The following WRNIP1 variants were observed in gnomAD, a reference collection of about 807,000 sequenced individuals.
WRNIP1 encodes the protein ATPase WRNIP1.
In WRNIP1, 41 loss-of-function variants were observed where a neutral mutation model predicts 56.1. The ratio of observed to expected loss-of-function variants is 0.73; its 90% CI spans 0.57 to 0.95. The LOEUF is 0.95. Ranked by LOEUF, WRNIP1 falls within the 40% of genes least tolerant of loss-of-function variation. The probability of loss-of-function intolerance (pLI) is 0.00; values close to 1 mark genes in which losing one functional copy is unlikely to be tolerated. For missense variants in WRNIP1, 1,170 were observed against 939.4 expected (o/e 1.25, Z -3.21); for synonymous variants, 547 against 398.1 (o/e 1.37, Z -4.45).
At chr6:2,781,061 C>A (rs1183901846) in intron 4 of WRNIP1, among the ~76,000 whole-genome samples, 1 of 152,222 alleles carries the variant, frequency 6.6e-6, no homozygotes, top group East Asian at 1.9e-4. Context: ...CTGTCCTTCC[C>A]CCCGTCCGCA....
rs1406827698 is a variant in WRNIP1 at position 2,785,101 on chromosome 6, A to G, written c.1817A>G (p.Asn606Ser). Reference sequence around the variant, plus strand: ...AACAACGTCAAAGCCTGCCTGAGGAACCACCAGGGGCCACTGCCCCCCGTG... The same window carrying G: ...AACAACGTCAAAGCCTGCCTGAGGAGCCACCAGGGGCCACTGCCCCCCGTG... ...AYNNVKACLR[N>S]HQGPLPPVPL... Residue 606 changes from asparagine (N) to serine (S), a missense_variant, in exon 7 of 7, where the codon AAC (asparagine) becomes AGC (serine). Physicochemically the swap from Asn to Ser is conservative, Grantham distance 46 (BLOSUM62 1). Transcript: ENST00000380773. 1 of 1,614,070 alleles carries G rather than the reference A, an allele frequency of 6.2e-7. No homozygotes were observed. The highest frequency in any genetic ancestry group is 8.5e-7 in the Non-Finnish European group (1 of 1,180,044).
chr6:2,783,889 T>G (rs1765643401), intron 5 of WRNIP1, among the ~76,000 whole-genome samples: 1 of 152,138 alleles, frequency 6.6e-6, no homozygotes. Context: ...TTGCTTTAAG[T>G]CAGGTGTTCA....
chr6:2,783,301 G>A, intron 4 of WRNIP1, 105 bp from the exon 5 acceptor site: 1 of 1,279,966 alleles, frequency 7.8e-7, no homozygotes, highest in Non-Finnish European at 1.0e-6. Flanking sequence ...GCTTTCTCAG[G>A]GCCTTTATTC....
At chr6:2,781,689 AGTC>A (rs1297838359) in intron 4 of WRNIP1, among the ~76,000 whole-genome samples, 2 of 152,248 alleles carry the variant, frequency 1.3e-5, no homozygotes, top group Non-Finnish European at 1.5e-5. Context: ...GTTCTATAGA[AGTC>A]GTCAGATTTC....
chr6:2,766,197 A>T lies in WRNIP1; in HGVS notation c.575A>T (p.Asp192Val). Residue 192 changes from aspartate (D) to valine (V), a missense_variant, in exon 1 of 7, where the codon GAC becomes GTC. Asp to Val is a radical substitution (Grantham distance 152). Transcript: ENST00000380773. ...GEDDPGHWDA[D>V]AAEAATAFGA... ...GACGACCCGGGGCACTGGGACGCGG[A>T]CGCTGCCGAAGCCGCCACCGCCTTC... The T allele has an allele frequency of 7.1e-7, 1 of 1,406,466 alleles. No individual in the cohort carries two copies. The highest frequency in any genetic ancestry group is 9.3e-7 in the Non-Finnish European group (1 of 1,080,632). The allele number at this position is 1,406,466 out of a possible 1,614,324, so 87.1% of individuals were successfully genotyped here.
intron 3 of WRNIP1, 68 bp downstream of exon 3, chr6:2,770,429 A>G: frequency 6.3e-7 from 1 of 1,592,250 alleles, no homozygotes; most frequent in Non-Finnish European, 8.6e-7. Flanking sequence ...AGGGGGCCAG[A>G]AAGGGCCGGG....
intron 6 of WRNIP1, 98 bp downstream of exon 6, chr6:2,784,501 G>C: frequency 8.0e-7 from 1 of 1,256,618 alleles, no homozygotes; most frequent in Non-Finnish European, 1.1e-6. Context: ...CACCATTGGT[G>C]TATTGGACCC....
chr6:2,773,696 C>T, intron 3 of WRNIP1: 1 of 985,244 alleles, frequency 1.0e-6, no homozygotes, highest in Non-Finnish European at 1.2e-6. Flanking sequence ...ATTTCGTCAT[C>T]CTGCACTACT....
In WRNIP1 at chr6:2,768,830, G is replaced by T; in HGVS notation, c.962G>T (p.Arg321Met). Residue 321 changes from arginine to methionine, a missense_variant, in exon 2 of 7, where the codon AGG becomes ATG. Coordinates refer to ENST00000380773, the MANE Select transcript of WRNIP1 (RefSeq NM_020135.3). ...CAAAATGAAAAGAGCTTTTTCAAAAGGAAAACCATCCTTTTTATTGATGAG... is the reference window on the plus strand; with the variant it reads ...CAAAATGAAAAGAGCTTTTTCAAAATGAAAACCATCCTTTTTATTGATGAG... Reference protein sequence around the residue: ...QAQNEKSFFKRKTILFIDEIH... With the variant: ...QAQNEKSFFKMKTILFIDEIH... 1 of 1,613,564 alleles carries T rather than the reference G, an allele frequency of 6.2e-7. No individual in the cohort carries two copies. Among genetic ancestry groups the T allele is most frequent in the Non-Finnish European group, 8.5e-7 (1 of 1,179,740 alleles).
chr6:2,765,921 A>G lies in WRNIP1; in HGVS notation c.299A>G (p.Asp100Gly), dbSNP rs1764937697. Residue 100 changes from aspartate to glycine, a missense_variant, in exon 1 of 7, where the codon GAC becomes GGC. Transcript: ENST00000380773. Reference sequence around the variant, plus strand: ...AGCGAGGGCGAGGGTGAGGAGGGCGACGACGGCGGCGAGACCGAGAGCCGC... The same window carrying G: ...AGCGAGGGCGAGGGTGAGGAGGGCGGCGACGGCGGCGAGACCGAGAGCCGC... ...ESSEGEGEEG[D>G]DGGETESRES... The G allele has an allele frequency of 1.4e-6, 2 of 1,453,364 alleles. No homozygotes were observed. The highest frequency in any genetic ancestry group is 1.8e-6 in the Non-Finnish European group (2 of 1,104,208). 90.0% of individuals were successfully genotyped at this position (1,453,364 alleles called of 1,614,324 possible). A position where few individuals can be genotyped will look rare whatever the true frequency, so the allele number is the denominator to read the frequency against.
intron 4 of WRNIP1, among the ~76,000 whole-genome samples, chr6:2,782,357 A>T (rs1765581462): frequency 6.6e-6 from 1 of 152,274 alleles, no homozygotes; most frequent in Non-Finnish European, 1.5e-5. Context: ...CTCAGAAACC[A>T]GAATCACTCA....
intron 4 of WRNIP1, among the ~76,000 whole-genome samples, chr6:2,782,798 G>A (rs1015373850): frequency 6.6e-6 from 1 of 152,108 alleles, no homozygotes; most frequent in African/African-American, 2.4e-5. Flanking sequence ...TGAGAGAGTG[G>A]GCTTCCGTCC....
chr6:2,767,838 C>T (rs908737722), intron 1 of WRNIP1, among the ~76,000 whole-genome samples: 1 of 152,158 alleles, frequency 6.6e-6, no homozygotes, highest in Non-Finnish European at 1.5e-5. Flanking sequence ...ATTTGCAAGC[C>T]TAGGCATCTG....
Position 2,785,249 on chromosome 6 carries a change from G to A in WRNIP1, c.1965G>A (p.Arg655=), listed in dbSNP as rs377707401. The change falls in exon 7 of 7, where the codon AGG becomes AGA. Residue 655 remains arginine (R), a synonymous_variant. Transcript: ENST00000380773. ...VDQEYLPEEL[R]GVDFFKQRRC The stretch of plus-strand genomic sequence containing the variant: ...AGGAGTACCTGCCTGAAGAGTTGAG[G>A]GGGGTAGATTTCTTCAAGCAGAGGA... 16 of 1,613,980 alleles carry A rather than the reference G, an allele frequency of 9.9e-6. No individual in the cohort carries two copies. The highest frequency in any genetic ancestry group is 1.3e-5 in the African/African-American group (1 of 74,894).
At chr6:2,776,555 A>G (rs1262177254) in intron 3 of WRNIP1, among the ~76,000 whole-genome samples, 1 of 152,238 alleles carries the variant, frequency 6.6e-6, no homozygotes, top group Non-Finnish European at 1.5e-5. Flanking sequence ...TTTGGTCAGG[A>G]GTTTAAAAGC....
In WRNIP1 at chr6:2,784,227, A is replaced by G. The variant is rs147432646; in HGVS notation, c.1643-97A>G. 5.5e-5 allele frequency: 62 copies of G among 1,129,652 alleles called. No individual in the cohort carries two copies. In the Admixed American group the frequency reaches 8.0e-4, roughly 15 times the overall value. 70.0% of individuals were successfully genotyped at this position (1,129,652 alleles called of 1,614,324 possible). ...CTACATGGGATTGTTTTGGTCACCA[A>G]GTGTACAAGCAGTGGTGGTCTGTGG... On this transcript the variant is annotated intron_variant, in intron 5 of 6. Coordinates refer to ENST00000380773, the MANE Select transcript of WRNIP1 (RefSeq NM_020135.3).
In WRNIP1 at chr6:2,785,598, C is replaced by G. The variant is rs1479238921; in HGVS notation, c.*316C>G. 6.8e-6 allele frequency: 2 copies of G among 293,572 alleles called. No individual in the cohort carries two copies. Among genetic ancestry groups the G allele is most frequent in the Non-Finnish European group, 1.3e-5 (2 of 157,970 alleles). 18.2% of individuals were successfully genotyped at this position (293,572 alleles called of 1,614,324 possible). On this transcript the variant is annotated 3_prime_UTR_variant, in exon 7 of 7. Coordinates refer to ENST00000380773, the MANE Select transcript of WRNIP1 (RefSeq NM_020135.3). Reference sequence around the variant, plus strand: ...CATAATGTCATTTCAGAATTCAGTTCTGTAGGATTTTCTTTTCTTTAAAAA... The same window carrying G: ...CATAATGTCATTTCAGAATTCAGTTGTGTAGGATTTTCTTTTCTTTAAAAA...
At chr6:2,774,274 C>A (rs1392976182) in intron 3 of WRNIP1, 1 of 985,312 alleles carries the variant, frequency 1.0e-6, no homozygotes, top group African/African-American at 1.7e-5. Context: ...CTTGGATGCA[C>A]TTCCTGTGGC....
rs530701080 is a variant in WRNIP1, at chr6:2,766,244, C to T, written c.622C>T (p.Pro208Ser). Reference sequence around the variant, plus strand: ...CTTCGGGGCCAGTGGCGGGGGCCGCCCGCACCCCCGGGCGCTGGCTGCCGA... The same window carrying T: ...CTTCGGGGCCAGTGGCGGGGGCCGCTCGCACCCCCGGGCGCTGGCTGCCGA... ...TAFGASGGGR[P>S]HPRALAAEEI... is the part of the protein sequence containing the mutation. Residue 208 changes from proline to serine, a missense_variant, in exon 1 of 7, where the codon CCG (proline) becomes TCG (serine). Pro to Ser is a moderately conservative substitution (Grantham distance 74). Transcript: ENST00000380773. 7.5e-5 allele frequency: 112 copies of T among 1,493,920 alleles called. 1 individual carries two copies. The East Asian group carries it at 2.2e-3, about 29-fold the overall frequency. The allele number at this position is 1,493,920 out of a possible 1,614,324, so 92.5% of individuals were successfully genotyped here. A position where few individuals can be genotyped will look rare whatever the true frequency, so the allele number is the denominator to read the frequency against.
Sources: allele counts gnomAD v4.1 joint callset (sites outside exome capture counted in the v4.1 genomes callset), GRCh38; gene constraint gnomAD v4.1.1; transcripts MANE v1.5; gene names NCBI Gene and HGNC (gene_info 2026-07-23, HGNC 2026-07-21).